Variants in CBFA2T3 observed in about 807,000 individuals in gnomAD.
The protein encoded by CBFA2T3 is CBFA2/RUNX1 partner transcriptional co-repressor 3.
CBFA2T3 carries 31 observed loss-of-function variants against 58.6 expected under a neutral mutation model. That is an observed-to-expected ratio of 0.53 (90% CI 0.40 to 0.71). The LOEUF (loss-of-function observed/expected upper bound fraction) is 0.71. Among genes scored for constraint, CBFA2T3 ranks in the 30% least tolerant of loss-of-function variants. The pLI, the probability that CBFA2T3 is intolerant of heterozygous loss-of-function variation, is 0.00. For synonymous variants in CBFA2T3, 531 were observed against 421.9 expected, an observed-to-expected ratio of 1.26 and a Z score of -3.17; for missense variants, 1,076 against 963.1, an observed-to-expected ratio of 1.12 and a Z score of -1.55.
At chr16:88,901,436 A>C in intron 2 of CBFA2T3, 68 bp downstream of exon 2, 1 of 789,350 alleles carries the variant, frequency 1.3e-6, no homozygotes, top group East Asian at 3.0e-5. Context: ...GGAAGCTCAG[A>C]ATTTCAAACA....
rs910606548 is a variant in CBFA2T3, at chr16:88,892,070, G to C, written c.622-99C>G. ...GGAGGAGGCTTCCGTGTTGGAGGCA[G>C]GCAGGCAGCCCAGGAGCTGGGCACG... On this transcript the variant is annotated intron_variant, in intron 4 of 11. Transcript: ENST00000268679. 5 of 1,370,334 alleles carry C rather than the reference G, an allele frequency of 3.6e-6. No individual in the cohort carries two copies. In the South Asian group the frequency reaches 3.7e-5, roughly 10 times the overall value. 84.9% of individuals were successfully genotyped at this position (1,370,334 alleles called of 1,614,324 possible). A position where few individuals can be genotyped will look rare whatever the true frequency, so the allele number is the denominator to read the frequency against.
chr16:88,882,508 T>C (rs1304160904), intron 8 of CBFA2T3, among the ~76,000 whole-genome samples, 168 bp downstream of exon 8: 1 of 147,272 alleles, frequency 6.8e-6, no homozygotes, highest in South Asian at 2.2e-4. Flanking sequence ...TGGCTGTGGC[T>C]GTGTGGGCGT....
chr16:88,943,362 G>T (rs1312496901), intron 1 of CBFA2T3, among the ~76,000 whole-genome samples: 2 of 152,252 alleles, frequency 1.3e-5, no homozygotes, highest in Admixed American at 6.5e-5. Flanking sequence ...TAAGTGACCA[G>T]TTGCAACATC....
intron 1 of CBFA2T3, among the ~76,000 whole-genome samples, chr16:88,967,271 A>G (rs948248456): frequency 1.3e-5 from 2 of 148,386 alleles, no homozygotes; most frequent in African/African-American, 4.9e-5. Flanking sequence ...ACCATGCTCA[A>G]TGCAGTCAGC....
In CBFA2T3 at chr16:88,920,813, G is replaced by A. The variant is rs139759878; in HGVS notation, c.152-19157C>T. On this transcript the variant is annotated intron_variant, in intron 1 of 11. Coordinates refer to ENST00000268679, the MANE Select transcript of CBFA2T3 (RefSeq NM_005187.6). ...CTGCCTGCTTGCCAGCCCCAGCTGG[G>A]TGGTCTTCCTCCAGCCAGGCCCACC... 3.4e-3 allele frequency among the ~76,000 whole-genome samples: 512 copies of A among 152,288 alleles called. 2 individuals carry two copies. The highest frequency in any genetic ancestry group is 4.6e-3 in the Non-Finnish European group (313 of 67,996).
At chr16:88,956,249 C>T (rs1311073690) in intron 1 of CBFA2T3, among the ~76,000 whole-genome samples, 3 of 152,288 alleles carry the variant, frequency 2.0e-5, no homozygotes, top group Non-Finnish European at 4.4e-5. Flanking sequence ...CTGTTTATCA[C>T]GCGTGTGACG....
chr16:88,894,206 ACACACATGCACG>A (rs1443624247), intron 3 of CBFA2T3, among the ~76,000 whole-genome samples: 13 of 144,916 alleles, frequency 9.0e-5, no homozygotes, highest in South Asian at 2.3e-4. Flanking sequence ...CACACAATGT[ACACACATGCACG>A]CACACATGCA....
intron 1 of CBFA2T3, among the ~76,000 whole-genome samples, chr16:88,927,314 G>A (rs1041031516): frequency 2.0e-5 from 3 of 152,232 alleles, no homozygotes; most frequent in Admixed American, 6.5e-5. Context: ...CAGCACTGAT[G>A]CCCCCGCTGA....
chr16:88,892,139 C>T (rs574999432), intron 4 of CBFA2T3, 105 bp downstream of exon 4: 2 of 1,444,708 alleles, frequency 1.4e-6, no homozygotes, highest in Non-Finnish European at 9.5e-7. Flanking sequence ...GGTCCACGCC[C>T]GGTTGTCAGC....
In CBFA2T3 at chr16:88,885,334, G is replaced by T; in HGVS notation, c.894-65C>A. 1.7e-6 allele frequency: 2 copies of T among 1,196,060 alleles called. No homozygotes were observed. Among genetic ancestry groups the T allele is most frequent in the Non-Finnish European group, 2.3e-6 (2 of 877,506 alleles). 74.1% of individuals were successfully genotyped at this position (1,196,060 alleles called of 1,614,324 possible). On this transcript the variant is annotated intron_variant, in intron 6 of 11. Coordinates refer to ENST00000268679, the MANE Select transcript of CBFA2T3 (RefSeq NM_005187.6). This position sits in a 1 kb window ranked among gnomAD's most constrained non-coding sequence, Gnocchi z 5.3. ...GGATGAACCGGGGACAGAGGTGCAG[G>T]TGGGGTGAGAGGCAGACAGGCAAGG...
chr16:88,952,521 A>G (rs1972102018), intron 1 of CBFA2T3, among the ~76,000 whole-genome samples: 1 of 152,030 alleles, frequency 6.6e-6, no homozygotes, highest in South Asian at 2.1e-4. Flanking sequence ...CAGCAAGACA[A>G]ATGCGGCCCT....
chr16:88,880,971 G>T, intron 9 of CBFA2T3, 183 bp from the exon 10 acceptor site: 1 of 674,970 alleles, frequency 1.5e-6, no homozygotes, highest in Non-Finnish European at 2.6e-6. Context: ...GGCACGGGGG[G>T]CATTGGAGCT....
chr16:88,902,274 C>A (rs191669931), intron 1 of CBFA2T3: 1 of 152,422 alleles, frequency 6.6e-6, no homozygotes, highest in African/African-American at 2.4e-5. Context: ...TCTATTTTAA[C>A]CGTCTTCTGC....
At position 88,885,133 on chromosome 16, in the gene CBFA2T3, G is replaced by A. The variant is rs368765045; in HGVS notation, c.1030C>T (p.Leu344=). 35 of 1,601,634 alleles carry A rather than the reference G, an allele frequency of 2.2e-5. 1 individual carries two copies. In the Admixed American group the frequency reaches 3.7e-4, roughly 17 times the overall value. Residue 344 remains leucine (L), a synonymous_variant, in exon 7 of 12, where the codon CTG becomes TTG. Coordinates refer to ENST00000268679, the MANE Select transcript of CBFA2T3 (RefSeq NM_005187.6). This position sits in a 1 kb window ranked among gnomAD's most constrained non-coding sequence, Gnocchi z 5.3. The stretch of plus-strand genomic sequence containing the variant: ...TGGTGGGCCATGGCTATGTCCTCCA[G>A]GCGGTAGTGCGGCGGCGGTGTGGGC... The part of the protein sequence containing the change: ...PQPTPPPHYR[L]EDIAMAHHFR...
intron 1 of CBFA2T3, among the ~76,000 whole-genome samples, chr16:88,933,228 T>TC (rs2142775861): frequency 6.6e-6 from 1 of 152,074 alleles, no homozygotes; most frequent in Admixed American, 6.5e-5. Flanking sequence ...TGTTTTGCGC[T>TC]CCCCCAGTGC....
chr16:88,901,762 G>T, intron 1 of CBFA2T3, 106 bp from the exon 2 acceptor site: 1 of 1,030,854 alleles, frequency 9.7e-7, no homozygotes, highest in Non-Finnish European at 1.3e-6. Context: ...TGTCCGCCCA[G>T]CGCTGGGGCA....
intron 3 of CBFA2T3, 31 bp downstream of exon 3, chr16:88,898,047 G>A (rs1477313490): frequency 2.6e-6 from 4 of 1,540,728 alleles, no homozygotes; most frequent in African/African-American, 1.4e-5. Flanking sequence ...AGACCTCTGG[G>A]GAGGCCTGCG....
chr16:88,894,418 T>A (rs1366109081), intron 3 of CBFA2T3, among the ~76,000 whole-genome samples: 1 of 104,992 alleles, frequency 9.5e-6, no homozygotes, highest in African/African-American at 5.0e-5. Flanking sequence ...CACACATGCA[T>A]ACATATACAC....
chr16:88,959,467 C>T (rs987453557), intron 1 of CBFA2T3, among the ~76,000 whole-genome samples: 5 of 152,154 alleles, frequency 3.3e-5, no homozygotes, highest in Admixed American at 6.5e-5. Context: ...CAGCACCCAG[C>T]GCTTACAGAG....
Sources: allele counts gnomAD v4.1 joint callset (sites outside exome capture counted in the v4.1 genomes callset), GRCh38; gene constraint gnomAD v4.1.1; non-coding constraint Gnocchi (gnomAD v3.1); transcripts MANE v1.5; gene names NCBI Gene and HGNC (gene_info 2026-07-23, HGNC 2026-07-21).